PTPRD: variants seen among roughly 807,000 people sequenced by gnomAD.
The protein encoded by PTPRD is protein tyrosine phosphatase receptor type D.
Under a neutral mutation model 214.5 loss-of-function variants are expected in PTPRD, and 34 were observed. The observed-to-expected ratio is 0.16, with a 90% CI of 0.12 to 0.21. PTPRD has a LOEUF of 0.21. PTPRD is among the 10% of genes least tolerant of loss of function. The probability of loss-of-function intolerance (pLI) is 1.00; values close to 1 mark genes in which losing one functional copy is unlikely to be tolerated. For synonymous variants in PTPRD, 1,128 were observed against 845.7 expected, an observed-to-expected ratio of 1.33 and a Z score of -5.79; for missense variants, 2,545 against 2,398.7, an observed-to-expected ratio of 1.06 and a Z score of -1.27.
At chr9:9,972,842 T>C (rs1233425203) in intron 4 of PTPRD, among the ~76,000 whole-genome samples, 1 of 152,154 alleles carries the variant, frequency 6.6e-6, no homozygotes, top group East Asian at 1.9e-4. Flanking sequence ...TCTGCCTCTT[T>C]CTTATAAGGA....
At chr9:9,148,751 G>A (rs1293181051) in intron 10 of PTPRD, among the ~76,000 whole-genome samples, 3 of 152,104 alleles carry the variant, frequency 2.0e-5, no homozygotes, top group Admixed American at 6.5e-5. Flanking sequence ...CTAAGACAAC[G>A]AATAGCTCAA....
chr9:10,216,851 G>A (rs993472473), intron 3 of PTPRD, among the ~76,000 whole-genome samples: 2 of 151,940 alleles, frequency 1.3e-5, no homozygotes, highest in African/African-American at 2.4e-5. Context: ...GATTCTGTTC[G>A]TTAGAGGGAT....
chr9:8,635,821 C>T (rs766512740), intron 13 of PTPRD, among the ~76,000 whole-genome samples: 5 of 152,074 alleles, frequency 3.3e-5, no homozygotes, highest in Non-Finnish European at 5.9e-5. Flanking sequence ...TATGGGCATG[C>T]TATTGTGTGC....
Position 8,918,751 on chromosome 9 carries a change from C to T in PTPRD, c.-104+99946G>A, listed in dbSNP as rs192873196. Among the ~76,000 whole-genome samples the T allele has an allele frequency of 2.2e-4, 34 of 152,130 alleles. No homozygotes were observed. The East Asian group carries it at 5.8e-3, about 26-fold the overall frequency. On this transcript the variant is annotated intron_variant, in intron 11 of 45. Transcript: ENST00000381196. ...ATTGTATATTTCAGATATTTCTATT[C>T]GGATACTTTAAAGGAATCACCCAAA...
At chr9:8,608,375 A>G (rs1243226618) in intron 14 of PTPRD, among the ~76,000 whole-genome samples, 2 of 152,194 alleles carry the variant, frequency 1.3e-5, no homozygotes, top group African/African-American at 4.8e-5. Context: ...TTCCTAATAA[A>G]GAGATTAGAT....
rs186617733 is a variant in PTPRD at position 9,356,644 on chromosome 9, A to G, written c.-203+40805T>C. Among the ~76,000 whole-genome samples, 347 of 151,558 alleles carry G rather than the reference A, an allele frequency of 2.3e-3. 2 individuals carry two copies. The highest frequency in any genetic ancestry group is 1.9e-3 in the Non-Finnish European group (129 of 67,610). ...GAAGTAGGAATATACAAGAAGGTTA[A>G]TTATGTTTATCAGAAGCTGCATCTT... On this transcript the variant is annotated intron_variant, in intron 9 of 45. Coordinates refer to ENST00000381196, the MANE Select transcript of PTPRD (RefSeq NM_002839.4).
At chr9:9,444,598 G>C (rs1367329312) in intron 8 of PTPRD, among the ~76,000 whole-genome samples, 1 of 152,156 alleles carries the variant, frequency 6.6e-6, no homozygotes, top group Non-Finnish European at 1.5e-5. Context: ...AGGTATAGGA[G>C]ATAGTCAATA....
Position 10,172,458 on chromosome 9 carries a change from A to C in PTPRD, c.-544-138668T>G, listed in dbSNP as rs115125378. 3.0e-3 allele frequency among the ~76,000 whole-genome samples: 464 copies of C among 152,326 alleles called. 2 individuals carry two copies. The highest frequency in any genetic ancestry group is 0.011 in the African/African-American group (445 of 41,560). On this transcript the variant is annotated intron_variant, in intron 3 of 45. Coordinates refer to ENST00000381196, the MANE Select transcript of PTPRD (RefSeq NM_002839.4). Reference sequence around the variant, plus strand: ...AAATCAAGTAGTTGAAATCTTACCTACTGAATTACTTGAAAGTGATATTAT... The same window carrying C: ...AAATCAAGTAGTTGAAATCTTACCTCCTGAATTACTTGAAAGTGATATTAT...
chr9:9,789,449 A>G (rs1006337147), intron 5 of PTPRD, among the ~76,000 whole-genome samples: 1 of 152,182 alleles, frequency 6.6e-6, no homozygotes, highest in African/African-American at 2.4e-5. Context: ...CCCTGTTCAC[A>G]GGCCAAGACA....
At chr9:9,776,849 C>G (rs961054132) in intron 5 of PTPRD, among the ~76,000 whole-genome samples, 3 of 152,180 alleles carry the variant, frequency 2.0e-5, no homozygotes, top group Non-Finnish European at 4.4e-5. Context: ...CACCAGACAG[C>G]AAAGCCCATT....
intron 44 of PTPRD, among the ~76,000 whole-genome samples, chr9:8,331,313 C>G (rs1311990858): frequency 6.6e-6 from 1 of 152,006 alleles, no homozygotes; most frequent in Non-Finnish European, 1.5e-5. Context: ...ACCAACAATT[C>G]CCATTAAGGT....
intron 10 of PTPRD, among the ~76,000 whole-genome samples, chr9:9,073,825 T>C (rs1307396070): frequency 9.3e-6 from 1 of 107,764 alleles, no homozygotes; most frequent in Non-Finnish European, 2.1e-5. Context: ...AAATGCCAGT[T>C]CTAATTCTCC....
At chr9:10,330,442 T>C (rs1041529769) in intron 3 of PTPRD, among the ~76,000 whole-genome samples, 7 of 151,820 alleles carry the variant, frequency 4.6e-5, no homozygotes, top group African/African-American at 1.4e-4. Context: ...GAATCTTCTA[T>C]GTTTATTACA....
intron 9 of PTPRD, among the ~76,000 whole-genome samples, chr9:9,262,773 T>C (rs558551313): frequency 1.1e-3 from 172 of 151,798 alleles, no homozygotes; most frequent in Non-Finnish European, 2.1e-3. Flanking sequence ...GTTTTCCATA[T>C]ATGAATACAT....
chr9:10,532,990 T>C (rs1031806108), intron 2 of PTPRD, among the ~76,000 whole-genome samples: 1 of 152,078 alleles, frequency 6.6e-6, no homozygotes, highest in African/African-American at 2.4e-5. Flanking sequence ...ATTTGGATCA[T>C]AAGAGTAGCT....
chr9:10,019,770 C>T (rs1313262777), intron 4 of PTPRD, among the ~76,000 whole-genome samples: 1 of 142,296 alleles, frequency 7.0e-6, no homozygotes, highest in Admixed American at 7.1e-5. Flanking sequence ...CACACTGGGG[C>T]CTGTTGTGGG....
At chr9:9,999,157 C>T (rs1177417110) in intron 4 of PTPRD, among the ~76,000 whole-genome samples, 1 of 152,192 alleles carries the variant, frequency 6.6e-6, no homozygotes, top group African/African-American at 2.4e-5. Context: ...AAAACTCTCA[C>T]TTCTGCTTTC....
At chr9:10,375,668 C>A (rs2097713971) in intron 2 of PTPRD, among the ~76,000 whole-genome samples, 1 of 151,948 alleles carries the variant, frequency 6.6e-6, no homozygotes, top group African/African-American at 2.4e-5. Context: ...TCACCATAAT[C>A]CCCAATGAAT....
intron 2 of PTPRD, among the ~76,000 whole-genome samples, chr9:10,490,451 C>T (rs1377441644): frequency 1.3e-5 from 2 of 152,094 alleles, no homozygotes. Flanking sequence ...TTGGAATTTG[C>T]AGTAACCATT....
Sources: allele counts gnomAD v4.1 joint callset (sites outside exome capture counted in the v4.1 genomes callset), GRCh38; gene constraint gnomAD v4.1.1; transcripts MANE v1.5; gene names NCBI Gene and HGNC (gene_info 2026-07-23, HGNC 2026-07-21).